Variants in NIPAL2 observed in about 807,000 individuals in gnomAD.
The protein encoded by NIPAL2 is NIPA-like protein 2.
A neutral mutation model predicts 48.9 loss-of-function variants in NIPAL2; 43 were observed. That is an observed-to-expected ratio of 0.88 (90% CI 0.69 to 1.13). The LOEUF is 1.13. Among genes scored for constraint, NIPAL2 ranks in the 50% most tolerant of loss-of-function variants. The pLI, the probability that NIPAL2 is intolerant of heterozygous loss-of-function variation, is 0.00. For missense variants in NIPAL2, 446 were observed against 461.4 expected, an observed-to-expected ratio of 0.97 and a Z score of 0.31; for synonymous variants, 167 against 174.6, an observed-to-expected ratio of 0.96 and a Z score of 0.34.
At chr8:98,208,590 A>G (rs1185636056) in intron 6 of NIPAL2, among the ~76,000 whole-genome samples, 1 of 152,096 alleles carries the variant, frequency 6.6e-6, no homozygotes, top group Non-Finnish European at 1.5e-5. Context: ...CTGAGATTAC[A>G]GGCACCCACA....
At chr8:98,272,012 T>A (rs1244196486) in intron 1 of NIPAL2, among the ~76,000 whole-genome samples, 1 of 152,152 alleles carries the variant, frequency 6.6e-6, no homozygotes, top group African/African-American at 2.4e-5. Context: ...GATTTGAGTA[T>A]GTTGAACCAA....
chr8:98,271,223 T>C (rs1815104059), intron 1 of NIPAL2, among the ~76,000 whole-genome samples: 1 of 152,192 alleles, frequency 6.6e-6, no homozygotes, highest in Admixed American at 6.5e-5. Context: ...TTTCTTCTAA[T>C]TCTGTGGAAA....
Position 98,248,708 on chromosome 8 carries a change from G to C in NIPAL2, c.376+3755C>G, listed in dbSNP as rs116463801. Among the ~76,000 whole-genome samples, 375 of 152,284 alleles carry C rather than the reference G, an allele frequency of 2.5e-3. 2 individuals are homozygous for C. Among genetic ancestry groups the C allele is most frequent in the African/African-American group, 8.7e-3 (361 of 41,556 alleles). ...GGTGAAATTGAAAATCATTAATTAA[G>C]CTTTGTGAATTAATGGAAACACTAA... On this transcript the variant is annotated intron_variant, in intron 3 of 10. Coordinates refer to ENST00000430223, the MANE Select transcript of NIPAL2 (RefSeq NM_001321635.2).
intron 3 of NIPAL2, among the ~76,000 whole-genome samples, chr8:98,243,047 A>G (rs1277422318): frequency 2.0e-5 from 3 of 152,232 alleles, no homozygotes; most frequent in Non-Finnish European, 2.9e-5. Context: ...GACAGCAGGA[A>G]TACTATCCGT....
chr8:98,264,573 G>A (rs1440963840), intron 1 of NIPAL2, among the ~76,000 whole-genome samples: 1 of 150,888 alleles, frequency 6.6e-6, no homozygotes, highest in African/African-American at 2.4e-5. Flanking sequence ...CAACTTACAA[G>A]GGATGTGAAG....
chr8:98,277,980 C>G (rs1356336064), intron 1 of NIPAL2, among the ~76,000 whole-genome samples: 1 of 152,086 alleles, frequency 6.6e-6, no homozygotes, highest in Non-Finnish European at 1.5e-5. Flanking sequence ...ACTTTAGTAG[C>G]TCTTTCAATA....
chr8:98,222,564 A>G lies in NIPAL2; in HGVS notation c.473T>C (p.Val158Ala). The G allele has an allele frequency of 6.2e-7, 1 of 1,614,096 alleles. No individual in the cohort carries two copies. ...TLAFAGTYLL[V>A]NFAPNITQAI... ...CTGAGTTATATTTGGAGCAAAGTTC[A>G]CCAGTAAATATGTTCCTGCAAATGC... The change falls in exon 5 of 11, where the codon GTG (valine) becomes GCG (alanine). Residue 158 changes from valine to alanine, a missense_variant. Coordinates refer to ENST00000430223, the MANE Select transcript of NIPAL2 (RefSeq NM_001321635.2).
intron 1 of NIPAL2, among the ~76,000 whole-genome samples, chr8:98,258,126 G>C (rs1586418716): frequency 6.6e-6 from 1 of 152,104 alleles, no homozygotes; most frequent in Non-Finnish European, 1.5e-5. Context: ...AGTGAAATCA[G>C]CCAATCACAA....
intron 1 of NIPAL2, among the ~76,000 whole-genome samples, chr8:98,258,851 T>TG (rs1676994731): frequency 6.6e-6 from 1 of 152,084 alleles, no homozygotes. Flanking sequence ...GCTGTGATTC[T>TG]GGGGGCTGCC....
intron 1 of NIPAL2, among the ~76,000 whole-genome samples, chr8:98,255,117 A>G (rs1813805135): frequency 6.6e-6 from 1 of 152,206 alleles, no homozygotes; most frequent in Non-Finnish European, 1.5e-5. Flanking sequence ...TATAAAATTG[A>G]AGATTTAATA....
intron 3 of NIPAL2, among the ~76,000 whole-genome samples, chr8:98,241,782 G>A (rs1375335039): frequency 5.3e-5 from 8 of 151,868 alleles, no homozygotes; most frequent in African/African-American, 9.7e-5. Flanking sequence ...ACACAATAAG[G>A]GTGGCTGAAT....
chr8:98,216,766 G>A (rs1430054289), intron 5 of NIPAL2, among the ~76,000 whole-genome samples: 3 of 152,206 alleles, frequency 2.0e-5, no homozygotes, highest in Non-Finnish European at 4.4e-5. Context: ...ATCTGGGTGA[G>A]CAAAATAGCC....
chr8:98,254,015 T>C lies in NIPAL2; in HGVS notation c.204+4A>G, dbSNP rs746842415. On this transcript the variant is annotated splice_donor_region_variant and intron_variant, in intron 2 of 10. Coordinates refer to ENST00000430223, the MANE Select transcript of NIPAL2 (RefSeq NM_001321635.2). Reference sequence around the variant, plus strand: ...AGTGTTAGAAAAATAAGCTTTTTTCTTACCTGAATATTTAGAGAAATACTG... The same window carrying C: ...AGTGTTAGAAAAATAAGCTTTTTTCCTACCTGAATATTTAGAGAAATACTG... 1 of 1,602,596 alleles carries C rather than the reference T, an allele frequency of 6.2e-7. No homozygotes were observed. The highest frequency in any genetic ancestry group is 1.3e-5 in the African/African-American group (1 of 74,612).
At chr8:98,230,883 A>T (rs749046474) in intron 4 of NIPAL2, among the ~76,000 whole-genome samples, 4 of 152,116 alleles carry the variant, frequency 2.6e-5, no homozygotes, top group Non-Finnish European at 4.4e-5. Context: ...TGAAATCTTG[A>T]ATTTTGTCCA....
intron 1 of NIPAL2, among the ~76,000 whole-genome samples, chr8:98,262,407 A>G (rs1315057002): frequency 1.3e-5 from 2 of 148,748 alleles, no homozygotes; most frequent in African/African-American, 5.0e-5. Context: ...AGACACACAT[A>G]GGCTCAAAAT....
intron 1 of NIPAL2, among the ~76,000 whole-genome samples, chr8:98,285,812 G>A (rs1816122156): frequency 6.6e-6 from 1 of 151,990 alleles, no homozygotes; most frequent in Admixed American, 6.6e-5. Context: ...TCAAAGACCA[G>A]AAGAGAGACT....
At chr8:98,275,243 T>C (rs1254390342) in intron 1 of NIPAL2, among the ~76,000 whole-genome samples, 1 of 152,058 alleles carries the variant, frequency 6.6e-6, no homozygotes, top group Non-Finnish European at 1.5e-5. Flanking sequence ...TCCCTTGTAT[T>C]ACCCCGTTAT....
chr8:98,280,755 T>TAG lies in NIPAL2; in HGVS notation c.135+13247_135+13248insCT, dbSNP rs1364661957. 2.2e-3 allele frequency among the ~76,000 whole-genome samples: 70 copies of TAG among 32,292 alleles called. 1 individual carries two copies. The highest frequency in any genetic ancestry group is 3.4e-3 in the African/African-American group (36 of 10,522). 21.2% of individuals were successfully genotyped at this position (32,292 alleles called of 152,430 possible). A position where few individuals can be genotyped will look rare whatever the true frequency, so the allele number is the denominator to read the frequency against. The stretch of plus-strand genomic sequence containing the variant: ...CCATTACTATATATATATATATATA[T>TAG]ATATATAGAGAGAGAGAGAGAGAGA... On this transcript the variant is annotated intron_variant, in intron 1 of 10. Transcript: ENST00000430223.
chr8:98,293,931 G>A, intron 1 of NIPAL2, 72 bp downstream of exon 1: 1 of 1,306,252 alleles, frequency 7.7e-7, no homozygotes, highest in Non-Finnish European at 9.8e-7. Context: ...CGGCCGAGGC[G>A]CAGAGGCGCC....
Sources: gnomAD v4.1 joint callset for allele counts (sites outside exome capture counted in the v4.1 genomes callset) on GRCh38, gnomAD v4.1.1 for gene constraint, MANE v1.5 for transcripts, NCBI Gene and HGNC (gene_info 2026-07-23, HGNC 2026-07-21) for gene names.